Variants in RBFOX1 observed in about 807,000 individuals in gnomAD.
The protein encoded by RBFOX1 is RNA binding fox-1 homolog 1.
Under a neutral mutation model 57.7 loss-of-function variants are expected in RBFOX1, and 8 were observed. That is an observed-to-expected ratio of 0.14 (90% CI 0.08 to 0.25). The LOEUF (loss-of-function observed/expected upper bound fraction) is 0.25. Among genes scored for constraint, RBFOX1 ranks in the 10% least tolerant of loss-of-function variants. The pLI, the probability that RBFOX1 is intolerant of heterozygous loss-of-function variation, is 1.00. For synonymous variants in RBFOX1, 326 were observed against 222.4 expected, an observed-to-expected ratio of 1.47 and a Z score of -4.15; for missense variants, 611 against 548.5, an observed-to-expected ratio of 1.11 and a Z score of -1.14.
chr16:5,390,376 C>A (rs1038968283), intron 1 of RBFOX1, among the ~76,000 whole-genome samples: 1 of 150,764 alleles, frequency 6.6e-6, no homozygotes, highest in African/African-American at 2.4e-5. Context: ...GCAACCTGTG[C>A]CTCCTGGGTT....
At chr16:7,139,630 G>A (rs2073100032) in intron 4 of RBFOX1, among the ~76,000 whole-genome samples, 1 of 152,164 alleles carries the variant, frequency 6.6e-6, no homozygotes, top group South Asian at 2.1e-4. Flanking sequence ...AGAGACCTGA[G>A]TCCACCCTCG....
chr16:7,708,999 G>T (rs1052665668), intron 14 of RBFOX1, 57 bp from the exon 15 acceptor site: 2 of 1,508,466 alleles, frequency 1.3e-6, no homozygotes, highest in African/African-American at 2.8e-5. Flanking sequence ...TTTTATGATT[G>T]TTATTGTTTT....
chr16:6,617,715 A>G (rs1053307045), intron 2 of RBFOX1, among the ~76,000 whole-genome samples: 3 of 152,174 alleles, frequency 2.0e-5, no homozygotes, highest in African/African-American at 2.4e-5. Flanking sequence ...GCAATAAGGA[A>G]GAAGAGACAG....
chr16:6,934,521 A>G (rs1439750646), intron 3 of RBFOX1, among the ~76,000 whole-genome samples: 2 of 152,160 alleles, frequency 1.3e-5, no homozygotes, highest in Non-Finnish European at 2.9e-5. Flanking sequence ...TGGTATATGT[A>G]TGCAGTGGAG....
intron 4 of RBFOX1, among the ~76,000 whole-genome samples, chr16:7,268,836 A>T (rs1247554373): frequency 1.3e-5 from 2 of 151,966 alleles, no homozygotes; most frequent in African/African-American, 4.8e-5. Context: ...CAGGAGTTCG[A>T]TACCAGTTTC....
At chr16:5,384,480 T>G (rs2066207591) in intron 1 of RBFOX1, among the ~76,000 whole-genome samples, 1 of 152,230 alleles carries the variant, frequency 6.6e-6, no homozygotes, top group Non-Finnish European at 1.5e-5. Flanking sequence ...TAAGTTGGGT[T>G]TTGAAGGGTG....
intron 14 of RBFOX1, among the ~76,000 whole-genome samples, chr16:7,702,242 T>C (rs879916791): frequency 3.3e-5 from 5 of 152,232 alleles, no homozygotes; most frequent in Non-Finnish European, 7.3e-5. Context: ...TTCAGAGATA[T>C]ACTGAGGTGT....
chr16:5,441,661 G>A (rs1284273945), intron 1 of RBFOX1, among the ~76,000 whole-genome samples: 1 of 152,122 alleles, frequency 6.6e-6, no homozygotes, highest in Non-Finnish European at 1.5e-5. Context: ...CACTGTTCCT[G>A]GCAGGAAAGA....
rs184503880 is a variant in RBFOX1 at position 6,123,028 on chromosome 16, T to C, written c.-127+103036T>C. 2.2e-3 allele frequency among the ~76,000 whole-genome samples: 329 copies of C among 152,116 alleles called. 2 individuals carry two copies. Among genetic ancestry groups the C allele is most frequent in the African/African-American group, 7.4e-3 (309 of 41,486 alleles). On this transcript the variant is annotated intron_variant, in intron 1 of 15. Coordinates refer to ENST00000550418, the MANE Select transcript of RBFOX1 (RefSeq NM_018723.4). ...GAGAATATTAGCATTTTAACACACA[T>C]GGCTATCAGAAGAAAATCTTTGCAT...
At chr16:7,415,562 C>A (rs973763412) in intron 4 of RBFOX1, among the ~76,000 whole-genome samples, 3 of 152,144 alleles carry the variant, frequency 2.0e-5, no homozygotes, top group Non-Finnish European at 2.9e-5. Context: ...ACTTTTCTGG[C>A]TTTGTGATTT....
At chr16:5,264,507 T>C (rs977690016) in intron 1 of RBFOX1, among the ~76,000 whole-genome samples, 1 of 152,248 alleles carries the variant, frequency 6.6e-6, no homozygotes, top group African/African-American at 2.4e-5. Flanking sequence ...TGCCCATTGG[T>C]GAAAGACCAC....
intron 1 of RBFOX1, among the ~76,000 whole-genome samples, chr16:5,356,004 T>A (rs1265121336): frequency 1.3e-5 from 2 of 152,146 alleles, no homozygotes; most frequent in Non-Finnish European, 2.9e-5. Context: ...GACATGAGAA[T>A]TGCTTTAACC....
At chr16:7,652,977 A>C (rs1287469717) in intron 11 of RBFOX1, among the ~76,000 whole-genome samples, 1 of 152,196 alleles carries the variant, frequency 6.6e-6, no homozygotes, top group Non-Finnish European at 1.5e-5. Context: ...AAAACCACTC[A>C]TGCAGTTCGG....
chr16:5,921,793 T>G (rs1001925765), intron 4 of RBFOX1, among the ~76,000 whole-genome samples: 3 of 151,986 alleles, frequency 2.0e-5, no homozygotes, highest in African/African-American at 7.2e-5. Flanking sequence ...GGAGAGCAGG[T>G]GCATGACATG....
chr16:6,821,149 C>A (rs897801062), intron 3 of RBFOX1, among the ~76,000 whole-genome samples: 8 of 152,188 alleles, frequency 5.3e-5, no homozygotes, highest in Middle Eastern at 3.2e-3. Context: ...CCAGGTTTAT[C>A]TGCCCATGTT....
chr16:7,329,704 A>T (rs909135027), intron 4 of RBFOX1, among the ~76,000 whole-genome samples: 1 of 152,216 alleles, frequency 6.6e-6, no homozygotes, highest in African/African-American at 2.4e-5. Context: ...AGTAATGGTG[A>T]TCGCGACTGG....
At chr16:6,508,155 C>A (rs2096157277) in intron 2 of RBFOX1, among the ~76,000 whole-genome samples, 1 of 152,016 alleles carries the variant, frequency 6.6e-6, no homozygotes, top group Admixed American at 6.6e-5. Context: ...TAAGTGAGAG[C>A]TAAATGATGA....
intron 3 of RBFOX1, among the ~76,000 whole-genome samples, chr16:6,843,789 C>A (rs1370585525): frequency 6.6e-6 from 1 of 152,168 alleles, no homozygotes; most frequent in African/African-American, 2.4e-5. Flanking sequence ...CTATTCTGTT[C>A]CATGCCAAAA....
intron 4 of RBFOX1, chr16:7,126,413 G>A: frequency 8.5e-6 from 2 of 234,490 alleles, no homozygotes; most frequent in Non-Finnish European, 1.8e-5. Flanking sequence ...GAACTGTGCA[G>A]CTCACACAGT....
Sources: allele counts gnomAD v4.1 joint callset (sites outside exome capture counted in the v4.1 genomes callset), GRCh38; gene constraint gnomAD v4.1.1; transcripts MANE v1.5; gene names NCBI Gene and HGNC (gene_info 2026-07-23, HGNC 2026-07-21).